Variants in BCKDHB observed in about 807,000 individuals in gnomAD.
BCKDHB encodes the protein branched chain keto acid dehydrogenase E1 subunit beta, also known as 2-oxoisovalerate dehydrogenase subunit beta, mitochondrial.
In BCKDHB, 41 loss-of-function variants were observed where a neutral mutation model predicts 48.5. That is an observed-to-expected ratio of 0.85 (90% CI 0.66 to 1.10). The LOEUF (loss-of-function observed/expected upper bound fraction) is 1.10, where lower values mean the gene tolerates loss of function less well. Among genes scored for constraint, BCKDHB ranks in the 50% least tolerant of loss-of-function variants. The probability of loss-of-function intolerance (pLI) is 0.00; values close to 1 mark genes in which losing one functional copy is unlikely to be tolerated. For synonymous variants in BCKDHB, 201 were observed against 174.8 expected (o/e 1.15, Z -1.18); for missense variants, 496 against 494.2 (o/e 1.00, Z -0.03).
intron 9 of BCKDHB, among the ~76,000 whole-genome samples, chr6:80,289,516 T>C (rs607130): frequency 0.35 from 52,529 of 151,406 alleles, 9,274 homozygotes; most frequent in Non-Finnish European, 0.37. Flanking sequence ...GGAGAGAAAA[T>C]GCTCAGATTG....
At chr6:80,437,447 G>A in the BCKDHB span, among the ~76,000 whole-genome samples, 2 of 152,042 alleles carry the variant, frequency 1.3e-5, no homozygotes, top group Admixed American at 6.5e-5. Flanking sequence ...TTAACCTTGT[G>A]TTGGCTTCAA....
At chr6:80,220,779 G>A (rs1361426464) in intron 8 of BCKDHB, among the ~76,000 whole-genome samples, 1 of 142,766 alleles carries the variant, frequency 7.0e-6, no homozygotes, top group African/African-American at 2.7e-5. Context: ...TTGTCACTCA[G>A]GCTGGAGTGC....
chr6:80,400,337 A>C, the BCKDHB span, among the ~76,000 whole-genome samples: 623 of 152,198 alleles, frequency 4.1e-3, 2 homozygotes, highest in African/African-American at 0.013. Flanking sequence ...CAAAGGTCTA[A>C]TAGCCAGCAT....
At chr6:80,416,019 A>AT in the BCKDHB span, among the ~76,000 whole-genome samples, 1,942 of 150,042 alleles carry the variant, frequency 0.013, 20 homozygotes, top group African/African-American at 0.027. Flanking sequence ...TTTCTTCAGG[A>AT]TTTTTTTTTA....
In BCKDHB at chr6:80,112,157, A is replaced by C. The variant is rs140699138; in HGVS notation, c.196+5268A>C. 9.3e-3 allele frequency among the ~76,000 whole-genome samples: 1,416 copies of C among 152,342 alleles called. 29 individuals carry two copies. Among genetic ancestry groups the C allele is most frequent in the African/African-American group, 0.032 (1,348 of 41,576 alleles). On this transcript the variant is annotated intron_variant, in intron 1 of 9. Transcript: ENST00000320393. ...TATAACAGTAAGTGTACATACAAATAAACACATCTAGACATGTATACACAA... is the reference window on the plus strand; with the variant it reads ...TATAACAGTAAGTGTACATACAAATCAACACATCTAGACATGTATACACAA...
chr6:80,190,500 T>G (rs772142356), intron 6 of BCKDHB, among the ~76,000 whole-genome samples: 1 of 152,184 alleles, frequency 6.6e-6, no homozygotes, highest in Non-Finnish European at 1.5e-5. Context: ...CTTTGCCTGT[T>G]TTCTCATCTG....
the BCKDHB span, among the ~76,000 whole-genome samples, chr6:80,402,840 G>A: frequency 6.6e-6 from 1 of 151,652 alleles, no homozygotes; most frequent in Non-Finnish European, 1.5e-5. Flanking sequence ...AGGTTTCTCA[G>A]CACCATTTAC....
chr6:80,354,119 CT>C, the BCKDHB span, among the ~76,000 whole-genome samples: 2 of 152,112 alleles, frequency 1.3e-5, no homozygotes, highest in Non-Finnish European at 2.9e-5. Context: ...CAAAAATGTT[CT>C]CTCACTATGC....
chr6:80,122,053 T>C (rs1428509956), intron 1 of BCKDHB, among the ~76,000 whole-genome samples: 4 of 152,146 alleles, frequency 2.6e-5, no homozygotes, highest in African/African-American at 7.3e-5. Context: ...TGAGAGTTTT[T>C]AGCATGAAGG....
the BCKDHB span, among the ~76,000 whole-genome samples, chr6:80,403,217 C>A: frequency 3.3e-5 from 5 of 151,790 alleles, no homozygotes; most frequent in Non-Finnish European, 5.9e-5. Flanking sequence ...AATATCAATT[C>A]TTCCAATCTA....
chr6:80,214,059 C>G (rs1479897303), intron 8 of BCKDHB, among the ~76,000 whole-genome samples: 1 of 152,110 alleles, frequency 6.6e-6, no homozygotes, highest in Non-Finnish European at 1.5e-5. Flanking sequence ...TAGAAGACTT[C>G]ACTGGGGGAA....
intron 1 of BCKDHB, among the ~76,000 whole-genome samples, chr6:80,119,826 G>T (rs1769907560): frequency 6.6e-6 from 1 of 151,834 alleles, no homozygotes; most frequent in South Asian, 2.1e-4. Context: ...CAGAATTGAT[G>T]TATTAGCAGG....
At chr6:80,121,771 TTC>T (rs1359379071) in intron 1 of BCKDHB, among the ~76,000 whole-genome samples, 1 of 152,220 alleles carries the variant, frequency 6.6e-6, no homozygotes, top group Non-Finnish European at 1.5e-5. Context: ...CGATGGGGTT[TTC>T]TAAATATACA....
intron 9 of BCKDHB, among the ~76,000 whole-genome samples, chr6:80,315,156 G>A (rs925749035): frequency 1.3e-5 from 2 of 152,118 alleles, no homozygotes; most frequent in African/African-American, 4.8e-5. Context: ...GGGTATGTAT[G>A]AACCTCCTGC....
rs983661228 is a variant in BCKDHB at position 80,344,066 on chromosome 6, T to A, written c.*262T>A. The A allele has an allele frequency of 9.4e-5, 43 of 458,556 alleles. No homozygotes were observed. The highest frequency in any genetic ancestry group is 6.5e-4 in the Middle Eastern group (1 of 1,534). 28.4% of individuals were successfully genotyped at this position (458,556 alleles called of 1,614,324 possible). On this transcript the variant is annotated 3_prime_UTR_variant, in exon 10 of 10. Coordinates refer to ENST00000320393, the MANE Select transcript of BCKDHB (RefSeq NM_183050.4). Reference sequence around the variant, plus strand: ...CCCAGGCTAGACTGCAGTGGTGCAATCTCAGCTCACTGCAACCTCCCCCCT... The same window carrying A: ...CCCAGGCTAGACTGCAGTGGTGCAAACTCAGCTCACTGCAACCTCCCCCCT...
rs1005881336 is a variant in BCKDHB at position 80,343,325 on chromosome 6, T to C, written c.1039-339T>C. 3.9e-5 allele frequency among the ~76,000 whole-genome samples: 6 copies of C among 152,358 alleles called. No individual in the cohort carries two copies. The South Asian group carries it at 1.0e-3, about 26-fold the overall frequency. On this transcript the variant is annotated intron_variant, in intron 9 of 9. Transcript: ENST00000320393. ...GAGAAGGTATATATTATTGCCAGTT[T>C]CATGCTGCAGAGTTAACTACTGTGA...
At chr6:80,307,769 A>ACAC (rs1195472052) in intron 9 of BCKDHB, 3 of 982,978 alleles carry the variant, frequency 3.1e-6, no homozygotes, top group Non-Finnish European at 3.6e-6. Context: ...GATGAAGCAC[A>ACAC]CACTTCATAA....
At chr6:80,409,528 G>T in the BCKDHB span, among the ~76,000 whole-genome samples, 13 of 132,254 alleles carry the variant, frequency 9.8e-5, no homozygotes, top group Non-Finnish European at 1.9e-4. Flanking sequence ...CTCTTTGTAG[G>T]TCTCTAAGGA....
intron 6 of BCKDHB, among the ~76,000 whole-genome samples, chr6:80,197,905 C>G (rs1321372345): frequency 6.6e-6 from 1 of 151,836 alleles, no homozygotes; most frequent in Non-Finnish European, 1.5e-5. Context: ...TATTTGTCCA[C>G]CCGCCCGTCC....
Sources: gnomAD v4.1 joint callset for allele counts (sites outside exome capture counted in the v4.1 genomes callset) on GRCh38, gnomAD v4.1.1 for gene constraint, MANE v1.5 for transcripts, NCBI Gene and HGNC (gene_info 2026-07-23, HGNC 2026-07-21) for gene names.